Variants in SORBS2 observed in about 807,000 individuals in gnomAD.
SORBS2 encodes the protein sorbin and SH3 domain-containing protein 2.
In SORBS2, 46 loss-of-function variants were observed where a neutral mutation model predicts 97.7. The ratio of observed to expected loss-of-function variants is 0.47; its 90% confidence interval spans 0.37 to 0.60. The LOEUF (loss-of-function observed/expected upper bound fraction) is 0.60. SORBS2 is among the 20% of genes least tolerant of loss of function. SORBS2 has a pLI of 0.00. For missense variants in SORBS2, 1,316 were observed against 1,282.3 expected (o/e 1.03, Z -0.40); for synonymous variants, 476 against 473.4 (o/e 1.01, Z -0.07).
chr4:185,879,899 C>T (rs1046280540), intron 1 of SORBS2, among the ~76,000 whole-genome samples: 2 of 152,202 alleles, frequency 1.3e-5, no homozygotes, highest in African/African-American at 2.4e-5. Context: ...TGCTTGACCC[C>T]GTGCTGGGAC....
chr4:185,832,521 T>C (rs549304506), intron 1 of SORBS2, among the ~76,000 whole-genome samples: 1 of 152,234 alleles, frequency 6.6e-6, no homozygotes, highest in Non-Finnish European at 1.5e-5. Context: ...TTGGTCACCA[T>C]GGACGTGGTT....
At chr4:185,742,670 T>C (rs2098734736) in intron 2 of SORBS2, among the ~76,000 whole-genome samples, 1 of 152,216 alleles carries the variant, frequency 6.6e-6, no homozygotes, top group African/African-American at 2.4e-5. Context: ...AATAAACTTT[T>C]AGCAAAGGTT....
chr4:185,900,015 G>T (rs1476281962), intron 1 of SORBS2, among the ~76,000 whole-genome samples: 1 of 152,166 alleles, frequency 6.6e-6, no homozygotes, highest in East Asian at 1.9e-4. Flanking sequence ...CTACTAAGGA[G>T]GCTGAGGAAG....
chr4:185,659,407 T>A (rs932522138), upstream of SORBS2, among the ~76,000 whole-genome samples: 2 of 151,796 alleles, frequency 1.3e-5, no homozygotes, highest in African/African-American at 2.4e-5. Context: ...TTCAAGCTAG[T>A]CCTTATTTTT....
At chr4:185,888,004 C>T (rs1452813775) in intron 1 of SORBS2, among the ~76,000 whole-genome samples, 2 of 150,156 alleles carry the variant, frequency 1.3e-5, no homozygotes, top group African/African-American at 4.9e-5. Flanking sequence ...ACATTGAACT[C>T]ATATCTTTTC....
intron 1 of SORBS2, among the ~76,000 whole-genome samples, chr4:185,889,962 C>A (rs2099241635): frequency 6.6e-6 from 1 of 152,220 alleles, no homozygotes; most frequent in Non-Finnish European, 1.5e-5. Flanking sequence ...TCTCAACTCA[C>A]TGCAACCTCT....
At chr4:185,799,037 G>A (rs1243892601) in intron 1 of SORBS2, among the ~76,000 whole-genome samples, 3 of 152,154 alleles carry the variant, frequency 2.0e-5, no homozygotes, top group South Asian at 2.1e-4. Context: ...TAACATAAAT[G>A]TACTGACATC....
chr4:185,665,731 A>C (rs2097585419), intron 4 of SORBS2: 2 of 983,266 alleles, frequency 2.0e-6, no homozygotes. Flanking sequence ...CAGAATAATT[A>C]CATGAGTGGC....
At chr4:185,644,993 C>T (rs2097184498) in intron 4 of SORBS2, among the ~76,000 whole-genome samples, 1 of 152,108 alleles carries the variant, frequency 6.6e-6, no homozygotes, top group Non-Finnish European at 1.5e-5. Flanking sequence ...ACTTGAAGTT[C>T]CTCAAGGTAG....
At chr4:185,944,261 G>A (rs2099273484) in intron 1 of SORBS2, among the ~76,000 whole-genome samples, 1 of 152,176 alleles carries the variant, frequency 6.6e-6, no homozygotes, top group Non-Finnish European at 1.5e-5. Flanking sequence ...GCCCCAAATA[G>A]AGATGAGAAG....
chr4:185,896,509 G>A (rs1222790323), intron 1 of SORBS2, among the ~76,000 whole-genome samples: 13 of 152,158 alleles, frequency 8.5e-5, no homozygotes, highest in African/African-American at 7.2e-5. Flanking sequence ...CCCTGAATCC[G>A]GGAGGCAGAG....
intron 13 of SORBS2, among the ~76,000 whole-genome samples, chr4:185,590,655 A>C (rs951386050): frequency 1.3e-5 from 2 of 152,224 alleles, no homozygotes; most frequent in Non-Finnish European, 1.5e-5. Flanking sequence ...CTTTGACAGC[A>C]TATACTGTGG....
At chr4:185,871,594 A>G (rs2099230445) in intron 1 of SORBS2, among the ~76,000 whole-genome samples, 1 of 152,248 alleles carries the variant, frequency 6.6e-6, no homozygotes, top group Non-Finnish European at 1.5e-5. Context: ...TCCTGCTGAA[A>G]GAGGTTTTGC....
At chr4:185,926,906 A>C (rs551891039) in intron 1 of SORBS2, among the ~76,000 whole-genome samples, 1 of 152,134 alleles carries the variant, frequency 6.6e-6, no homozygotes, top group African/African-American at 2.4e-5. Context: ...AGCAATCCTT[A>C]ACCAGCAGAA....
chr4:185,778,103 A>G (rs2099008936), intron 1 of SORBS2, among the ~76,000 whole-genome samples: 1 of 152,214 alleles, frequency 6.6e-6, no homozygotes, highest in Non-Finnish European at 1.5e-5. Context: ...TTTTGCTAAA[A>G]TTAATTTCAC....
At chr4:185,725,001 A>C (rs1410689403) in intron 2 of SORBS2, among the ~76,000 whole-genome samples, 2 of 151,994 alleles carry the variant, frequency 1.3e-5, no homozygotes, top group Non-Finnish European at 2.9e-5. Context: ...CACCTTGCAT[A>C]TCTTTCATGC....
chr4:185,868,870 C>T (rs1249102497), intron 1 of SORBS2, among the ~76,000 whole-genome samples: 3 of 152,184 alleles, frequency 2.0e-5, no homozygotes, highest in East Asian at 1.9e-4. Flanking sequence ...ATCACATGTT[C>T]GTTAAGTTAG....
intron 2 of SORBS2, among the ~76,000 whole-genome samples, chr4:185,745,208 C>A (rs116130600): frequency 6.6e-6 from 1 of 152,124 alleles, no homozygotes; most frequent in East Asian, 1.9e-4. Flanking sequence ...CAAAGATGCC[C>A]GAGCAGGTGC....
At chr4:185,766,884 CT>C (rs1289219046) in intron 2 of SORBS2, among the ~76,000 whole-genome samples, 3 of 151,188 alleles carry the variant, frequency 2.0e-5, no homozygotes, top group African/African-American at 4.9e-5. Context: ...AATTCAATCT[CT>C]TTTTTTTTCA....
Sources: gnomAD v4.1 joint callset for allele counts (sites outside exome capture counted in the v4.1 genomes callset) on GRCh38, gnomAD v4.1.1 for gene constraint, MANE v1.5 for transcripts, NCBI Gene and HGNC (gene_info 2026-07-23, HGNC 2026-07-21) for gene names.